SLC44A5: variants seen among roughly 807,000 people sequenced by gnomAD.
SLC44A5 encodes the protein solute carrier family 44 member 5.
Under a neutral mutation model 101.8 loss-of-function variants are expected in SLC44A5, and 57 were observed. The ratio of observed to expected loss-of-function variants is 0.56; its 90% confidence interval spans 0.45 to 0.70. The LOEUF is 0.70. Among genes scored for constraint, SLC44A5 ranks in the 30% least tolerant of loss-of-function variants. SLC44A5 has a pLI of 0.00. For synonymous variants in SLC44A5, 281 were observed against 290.9 expected (o/e 0.97, Z 0.35); for missense variants, 737 against 853.1 (o/e 0.86, Z 1.70).
At chr1:75,509,768 C>CCCTA (rs1669463704) in intron 2 of SLC44A5, among the ~76,000 whole-genome samples, 1 of 152,176 alleles carries the variant, frequency 6.6e-6, no homozygotes, top group Admixed American at 6.5e-5. Flanking sequence ...CTAAGACCCA[C>CCCTA]AGTCTAGTGA....
chr1:75,655,852 T>A, the SLC44A5 span, among the ~76,000 whole-genome samples: 1 of 152,026 alleles, frequency 6.6e-6, no homozygotes, highest in Non-Finnish European at 1.5e-5. Context: ...TTCAAAGAAA[T>A]AGTAACAGAG....
intron 2 of SLC44A5, among the ~76,000 whole-genome samples, chr1:75,420,689 C>T (rs1663949022): frequency 6.6e-6 from 1 of 152,006 alleles, no homozygotes; most frequent in Admixed American, 6.6e-5. Context: ...AAGTTTTCTT[C>T]ACTCAATAAG....
chr1:75,695,631 G>T, the SLC44A5 span, among the ~76,000 whole-genome samples: 2 of 150,884 alleles, frequency 1.3e-5, no homozygotes, highest in African/African-American at 4.9e-5. Context: ...TAAATTTGTA[G>T]GGAAACAAAT....
intron 2 of SLC44A5, among the ~76,000 whole-genome samples, chr1:75,486,374 T>G (rs1248199324): frequency 1.3e-5 from 2 of 152,060 alleles, no homozygotes; most frequent in Non-Finnish European, 2.9e-5. Flanking sequence ...AATAATTAAT[T>G]TTTGTTTTGT....
At chr1:75,226,464 T>G (rs1179956118) in intron 13 of SLC44A5, among the ~76,000 whole-genome samples, 1 of 152,156 alleles carries the variant, frequency 6.6e-6, no homozygotes, top group Non-Finnish European at 1.5e-5. Context: ...TGTCTGCACT[T>G]TGGTCACCAG....
intron 11 of SLC44A5, among the ~76,000 whole-genome samples, chr1:75,236,571 A>G (rs1199290752): frequency 6.6e-6 from 1 of 152,032 alleles, no homozygotes; most frequent in Non-Finnish European, 1.5e-5. Context: ...GTTGAAAAAT[A>G]GGAACGATCC....
the SLC44A5 span, among the ~76,000 whole-genome samples, chr1:75,620,767 C>G: frequency 1.3e-5 from 2 of 152,082 alleles, no homozygotes; most frequent in African/African-American, 4.8e-5. Context: ...AAATTTTCTC[C>G]CATTCTGCAG....
the SLC44A5 span, among the ~76,000 whole-genome samples, chr1:75,642,591 G>C: frequency 6.6e-6 from 1 of 152,170 alleles, no homozygotes; most frequent in African/African-American, 2.4e-5. Flanking sequence ...TAATCTTCAG[G>C]AAGAAGAGAG....
At position 75,399,781 on chromosome 1, in the gene SLC44A5, G is replaced by T. The variant is rs183649010; in HGVS notation, c.14-3160C>A. Among the ~76,000 whole-genome samples the T allele has an allele frequency of 5.9e-5, 9 of 152,254 alleles. No homozygotes were observed. The East Asian group carries it at 1.5e-3, about 26-fold the overall frequency. On this transcript the variant is annotated intron_variant, in intron 2 of 23. Coordinates refer to ENST00000370859, the MANE Select transcript of SLC44A5 (RefSeq NM_001130058.2). ...TGATTAAAATATGTTGCTTTATTTA[G>T]TTAAATTTTACTTTGATGTTTTCTT...
At chr1:75,418,961 T>G (rs971583312) in intron 2 of SLC44A5, among the ~76,000 whole-genome samples, 1 of 151,350 alleles carries the variant, frequency 6.6e-6, no homozygotes, top group African/African-American at 2.4e-5. Flanking sequence ...GCAAGCTAGG[T>G]TCACCTTCTA....
chr1:75,661,585 G>A, the SLC44A5 span, among the ~76,000 whole-genome samples: 5 of 151,644 alleles, frequency 3.3e-5, no homozygotes, highest in Non-Finnish European at 7.4e-5. Context: ...TACAGAATGG[G>A]AGAAAATGTT....
At chr1:75,603,404 T>C (rs767281643) in intron 1 of SLC44A5, among the ~76,000 whole-genome samples, 1 of 152,010 alleles carries the variant, frequency 6.6e-6, no homozygotes, top group Non-Finnish European at 1.5e-5. Flanking sequence ...CTAGGTTGAT[T>C]CCATGTCTTT....
chr1:75,247,868 A>G (rs115726860), intron 7 of SLC44A5, among the ~76,000 whole-genome samples: 2,422 of 151,882 alleles, frequency 0.016, 62 homozygotes, highest in African/African-American at 0.056. Flanking sequence ...TGAGAGTGAG[A>G]GGAAAGGATT....
At chr1:75,565,974 A>G (rs1380415153) in intron 1 of SLC44A5, among the ~76,000 whole-genome samples, 1 of 152,206 alleles carries the variant, frequency 6.6e-6, no homozygotes, top group Non-Finnish European at 1.5e-5. Flanking sequence ...GTATTATTCA[A>G]ATGTTAAAAA....
intron 5 of SLC44A5, among the ~76,000 whole-genome samples, chr1:75,281,645 C>CG (rs1570564574): frequency 9.2e-6 from 1 of 108,574 alleles, no homozygotes; most frequent in Non-Finnish European, 2.1e-5. Flanking sequence ...GGCCCCCCCC[C>CG]CCCCCCGCTG....
rs184317046 is a variant in SLC44A5 at position 75,590,703 on chromosome 1, G to C, written c.-70+20337C>G. On this transcript the variant is annotated intron_variant, in intron 1 of 23. Coordinates refer to ENST00000370859, the MANE Select transcript of SLC44A5 (RefSeq NM_001130058.2). ...GGCCAGGGGTGGTGGTGGCTATGGG[G>C]TGAGGTTCCTCTGCCTTTGGAAAAG... Among the ~76,000 whole-genome samples, 206 of 152,304 alleles carry C rather than the reference G, an allele frequency of 1.4e-3. 1 individual carries two copies. The highest frequency in any genetic ancestry group is 4.4e-4 in the Non-Finnish European group (30 of 68,020).
At chr1:75,339,516 C>G (rs878979618) in intron 4 of SLC44A5, 66 bp downstream of exon 4, 3 of 1,302,494 alleles carry the variant, frequency 2.3e-6, no homozygotes, top group Non-Finnish European at 3.2e-6. Flanking sequence ...AACAGTACCT[C>G]CCCCATCCCC....
chr1:75,537,033 A>AAAAAAAAAAAAATATATATAT lies in SLC44A5; in HGVS notation c.13+4401_13+4402insATATATATATTTTTTTTTTTT, dbSNP rs35829590. Among the ~76,000 whole-genome samples, 19 of 43,032 alleles carry AAAAAAAAAAAAATATATATAT rather than the reference A, an allele frequency of 4.4e-4. 1 individual carries two copies. Among genetic ancestry groups the AAAAAAAAAAAAATATATATAT allele is most frequent in the Middle Eastern group, 0.037 (2 of 54 alleles). The allele number at this position is 43,032 out of a possible 152,430, so 28.2% of individuals were successfully genotyped here. On this transcript the variant is annotated intron_variant, in intron 2 of 23. Coordinates refer to ENST00000370859, the MANE Select transcript of SLC44A5 (RefSeq NM_001130058.2). Reference sequence around the variant, plus strand: ...AAAAAAAAAAAAAAAAAAAAAAAAAAATATATATCTATGCCAAATGATTCT... The same window carrying AAAAAAAAAAAAATATATATAT: ...AAAAAAAAAAAAAAAAAAAAAAAAAAAAAAAAAAAAAATATATATATATATATATCTATGCCAAATGATTCT...
intron 2 of SLC44A5, among the ~76,000 whole-genome samples, chr1:75,504,806 C>G (rs897714571): frequency 6.6e-6 from 1 of 152,004 alleles, no homozygotes; most frequent in Admixed American, 6.6e-5. Context: ...GCTCTATCCC[C>G]CAGTTTGTCA....
Sources: allele counts gnomAD v4.1 joint callset (sites outside exome capture counted in the v4.1 genomes callset), GRCh38; gene constraint gnomAD v4.1.1; transcripts MANE v1.5; gene names NCBI Gene and HGNC (gene_info 2026-07-23, HGNC 2026-07-21).